The following GRIK4 variants were observed in gnomAD, a reference collection of about 807,000 sequenced individuals.
GRIK4 encodes the protein glutamate receptor ionotropic, kainate 4.
Under a neutral mutation model 104.9 loss-of-function variants are expected in GRIK4, and 40 were observed. The ratio of observed to expected loss-of-function variants is 0.38; its 90% CI spans 0.30 to 0.50. The LOEUF (loss-of-function observed/expected upper bound fraction) is 0.50, where lower values mean the gene tolerates loss of function less well. GRIK4 is among the 20% of genes least tolerant of loss of function. GRIK4 has a pLI of 0.93. For synonymous variants in GRIK4, 485 were observed against 524.9 expected, an observed-to-expected ratio of 0.92 and a Z score of 1.04; for missense variants, 1,047 against 1,308.1, an observed-to-expected ratio of 0.80 and a Z score of 3.08.
At chr11:120,802,620 G>A in intron 3 of GRIK4, 73 bp from the exon 4 acceptor site, 1 of 1,304,710 alleles carries the variant, frequency 7.7e-7, no homozygotes, top group Admixed American at 1.7e-5. Context: ...GGCAGCAGGG[G>A]GAGGCTGGAG....
intron 3 of GRIK4, among the ~76,000 whole-genome samples, chr11:120,723,968 C>CTGAT (rs1243651001): frequency 7.9e-4 from 120 of 152,248 alleles, no homozygotes; most frequent in South Asian, 7.3e-3. Context: ...AGCCCCCTCT[C>CTGAT]CCTACCCCCT....
chr11:120,730,134 C>T (rs886690297), intron 3 of GRIK4, among the ~76,000 whole-genome samples: 1 of 152,012 alleles, frequency 6.6e-6, no homozygotes, highest in Admixed American at 6.6e-5. Context: ...GTGGGTGTAC[C>T]ACTTGAGCTC....
intron 1 of GRIK4, among the ~76,000 whole-genome samples, chr11:120,574,645 T>C (rs4272790): frequency 0.75 from 114,254 of 152,138 alleles, 43,152 homozygotes; most frequent in Admixed American, 0.82. Context: ...ATCTGTCTTG[T>C]TCACTATTGA....
At chr11:120,625,846 G>A (rs914031026) in intron 1 of GRIK4, among the ~76,000 whole-genome samples, 1 of 152,064 alleles carries the variant, frequency 6.6e-6, no homozygotes, top group African/African-American at 2.4e-5. Context: ...GATGGGGTGT[G>A]GGGAGGTGTC....
Position 120,898,600 on chromosome 11 carries a change from C to T in GRIK4, c.1233C>T (p.Asp411=), listed in dbSNP as rs754482187. 6.2e-6 allele frequency: 10 copies of T among 1,612,346 alleles called. No homozygotes were observed. The South Asian group carries it at 1.1e-4, about 18-fold the overall frequency. ...ACCTCTATGCCTCCAACATCTCGGA[C>T]ACTCTCTTCAACACCACCCTGGTCG... ...DSHLYASNIS[D]TLFNTTLVVT... The change falls in exon 12 of 21, where the codon GAC becomes GAT. Residue 411 remains aspartate, a synonymous_variant. Coordinates refer to ENST00000527524, the MANE Select transcript of GRIK4 (RefSeq NM_014619.5).
At chr11:120,532,262 GC>G (rs1459641591) in intron 1 of GRIK4, among the ~76,000 whole-genome samples, 1 of 152,152 alleles carries the variant, frequency 6.6e-6, no homozygotes, top group Non-Finnish European at 1.5e-5. Flanking sequence ...CCAGCTCCAT[GC>G]TAAGCTCTCT....
intron 19 of GRIK4, among the ~76,000 whole-genome samples, chr11:120,978,770 C>T (rs1944603737): frequency 6.6e-6 from 1 of 151,914 alleles, no homozygotes; most frequent in African/African-American, 2.4e-5. Flanking sequence ...AGGCAAGAGA[C>T]CAAAGGTAGG....
At chr11:120,807,350 C>G (rs1215129417) in intron 4 of GRIK4, among the ~76,000 whole-genome samples, 2 of 152,204 alleles carry the variant, frequency 1.3e-5, no homozygotes, top group Non-Finnish European at 2.9e-5. Flanking sequence ...TCCTGCAGAC[C>G]CAGAAGCAGG....
Position 120,685,392 on chromosome 11 carries a change from T to G in GRIK4, c.82+24992T>G, listed in dbSNP as rs370596478. Among the ~76,000 whole-genome samples, 18 of 152,332 alleles carry G rather than the reference T, an allele frequency of 1.2e-4. No homozygotes were observed. The East Asian group carries it at 2.9e-3, about 25-fold the overall frequency. On this transcript the variant is annotated intron_variant, in intron 3 of 20. Coordinates refer to ENST00000527524, the MANE Select transcript of GRIK4 (RefSeq NM_014619.5). ...AGTTTGAGAAACATGGGTCTAACCC[T>G]TGTCATGTAGGGCTCTTCTGGGATA... is the stretch of plus-strand genomic sequence containing the variant.
At chr11:120,879,070 A>G (rs765438769) in intron 11 of GRIK4, among the ~76,000 whole-genome samples, 5 of 152,214 alleles carry the variant, frequency 3.3e-5, no homozygotes, top group Non-Finnish European at 7.3e-5. Flanking sequence ...CATTTCACCA[A>G]TAAGAATATG....
chr11:120,849,205 G>C (rs1953921777), intron 8 of GRIK4, among the ~76,000 whole-genome samples: 1 of 152,110 alleles, frequency 6.6e-6, no homozygotes, highest in Non-Finnish European at 1.5e-5. Flanking sequence ...ATGTGCCTTG[G>C]TGAGTGGGTG....
intron 8 of GRIK4, among the ~76,000 whole-genome samples, chr11:120,854,793 C>T (rs1954061803): frequency 6.6e-6 from 1 of 151,828 alleles, no homozygotes; most frequent in Non-Finnish European, 1.5e-5. Context: ...GTCTTATTTC[C>T]CCCATTTTAA....
At chr11:120,888,670 T>C (rs896693208) in intron 11 of GRIK4, among the ~76,000 whole-genome samples, 1 of 152,192 alleles carries the variant, frequency 6.6e-6, no homozygotes, top group Non-Finnish European at 1.5e-5. Context: ...CAGGCACTTG[T>C]ACACTTCTTG....
intron 11 of GRIK4, among the ~76,000 whole-genome samples, chr11:120,880,671 C>G (rs1310466284): frequency 6.6e-6 from 1 of 152,234 alleles, no homozygotes; most frequent in East Asian, 1.9e-4. Context: ...CCAGCCTCTC[C>G]TTGAGCATGT....
intron 18 of GRIK4, among the ~76,000 whole-genome samples, chr11:120,963,453 C>A (rs1042164124): frequency 6.6e-6 from 1 of 152,180 alleles, no homozygotes; most frequent in African/African-American, 2.4e-5. Context: ...TGAAGGGGAT[C>A]TGAATGTTCC....
At chr11:120,558,090 C>T (rs1948205255) in intron 1 of GRIK4, among the ~76,000 whole-genome samples, 2 of 146,018 alleles carry the variant, frequency 1.4e-5, no homozygotes, top group Admixed American at 1.4e-4. Context: ...GGACCTGAAA[C>T]AGAATCTCTG....
At chr11:120,772,436 C>T (rs1951964950) in intron 3 of GRIK4, among the ~76,000 whole-genome samples, 1 of 152,146 alleles carries the variant, frequency 6.6e-6, no homozygotes, top group Non-Finnish European at 1.5e-5. Context: ...ATGCTAGGCT[C>T]TGTAGTAAGT....
Position 120,549,520 on chromosome 11 carries a change from C to T in GRIK4, c.-159+37633C>T, listed in dbSNP as rs1948119264. The stretch of plus-strand genomic sequence containing the variant: ...CCTTCACGGGGGGCTGCAGTGGCAC[C>T]TGTGTGCAGGCCCCTTTCCTGTAAG... On this transcript the variant is annotated intron_variant, in intron 1 of 20. Coordinates refer to ENST00000527524, the MANE Select transcript of GRIK4 (RefSeq NM_014619.5). This position sits in a 1 kb window ranked among gnomAD's most constrained non-coding sequence, Gnocchi z 4.7. Among the ~76,000 whole-genome samples, 1 of 152,218 alleles carries T rather than the reference C, an allele frequency of 6.6e-6. No individual in the cohort carries two copies. Among genetic ancestry groups the T allele is most frequent in the African/African-American group, 2.4e-5 (1 of 41,460 alleles).
chr11:120,891,161 G>C (rs1315605521), intron 11 of GRIK4, among the ~76,000 whole-genome samples: 1 of 152,210 alleles, frequency 6.6e-6, no homozygotes, highest in Non-Finnish European at 1.5e-5. Flanking sequence ...GGCAGGGCGT[G>C]CAAGTTCCAG....
Sources: allele counts gnomAD v4.1 joint callset (sites outside exome capture counted in the v4.1 genomes callset), GRCh38; gene constraint gnomAD v4.1.1; non-coding constraint Gnocchi (gnomAD v3.1); transcripts MANE v1.5; gene names NCBI Gene and HGNC (gene_info 2026-07-23, HGNC 2026-07-21).